The following RBFOX1 variants were observed in gnomAD, a reference collection of about 807,000 sequenced individuals.
The protein encoded by RBFOX1 is RNA binding fox-1 homolog 1.
In RBFOX1, 8 loss-of-function variants were observed where a neutral mutation model predicts 57.7. The observed-to-expected ratio is 0.14, with a 90% confidence interval of 0.08 to 0.25. The LOEUF (loss-of-function observed/expected upper bound fraction) is 0.25, where lower values mean the gene tolerates loss of function less well. Ranked by LOEUF, RBFOX1 falls within the 10% of genes least tolerant of loss-of-function variation. The pLI, the probability that RBFOX1 is intolerant of heterozygous loss-of-function variation, is 1.00. For synonymous variants in RBFOX1, 326 were observed against 222.4 expected (o/e 1.47, Z -4.15); for missense variants, 611 against 548.5 (o/e 1.11, Z -1.14).
At chr16:7,516,214 C>G (rs1239195304) in intron 4 of RBFOX1, among the ~76,000 whole-genome samples, 1 of 152,170 alleles carries the variant, frequency 6.6e-6, no homozygotes, top group Non-Finnish European at 1.5e-5. Flanking sequence ...GGAAAGAGAA[C>G]TTCTTCCCCA....
chr16:6,101,688 G>C (rs2096310743), intron 1 of RBFOX1, among the ~76,000 whole-genome samples: 1 of 152,112 alleles, frequency 6.6e-6, no homozygotes, highest in Admixed American at 6.5e-5. Flanking sequence ...TTGGGAAGCT[G>C]AGGTGGGTGG....
chr16:7,530,101 G>A (rs1435499549), intron 5 of RBFOX1, among the ~76,000 whole-genome samples: 1 of 151,906 alleles, frequency 6.6e-6, no homozygotes, highest in Non-Finnish European at 1.5e-5. Context: ...ATGCTTCAGT[G>A]TGACAGTGCA....
At chr16:7,454,020 G>C (rs1412195260) in intron 4 of RBFOX1, among the ~76,000 whole-genome samples, 1 of 152,184 alleles carries the variant, frequency 6.6e-6, no homozygotes, top group Non-Finnish European at 1.5e-5. Flanking sequence ...ATTGCCTGAG[G>C]TCAGGAGTTC....
rs1204921684 is a variant in RBFOX1, at chr16:7,682,210, T to C, written c.995+5372T>C. Among the ~76,000 whole-genome samples, 8 of 152,282 alleles carry C rather than the reference T, an allele frequency of 5.3e-5. No homozygotes were observed. The South Asian group carries it at 1.4e-3, about 28-fold the overall frequency. On this transcript the variant is annotated intron_variant, in intron 14 of 15. Transcript: ENST00000550418. ...ATGTTCTTCCTTGGCAAAGTAAACA[T>C]TGGCAACTTTATGCTAGACTCTGTA...
intron 3 of RBFOX1, among the ~76,000 whole-genome samples, chr16:6,734,009 C>T (rs1321246474): frequency 1.3e-5 from 2 of 152,184 alleles, no homozygotes; most frequent in African/African-American, 4.8e-5. Flanking sequence ...GTCCCTGCCA[C>T]ATCATTACAG....
chr16:5,293,727 G>A (rs2063590778), intron 1 of RBFOX1, among the ~76,000 whole-genome samples: 1 of 151,632 alleles, frequency 6.6e-6, no homozygotes, highest in African/African-American at 2.4e-5. Context: ...CAGAAAGCAG[G>A]TGAATGGTTG....
intron 2 of RBFOX1, among the ~76,000 whole-genome samples, chr16:5,484,953 G>A (rs900869361): frequency 4.6e-5 from 7 of 152,108 alleles, no homozygotes; most frequent in African/African-American, 1.2e-4. Flanking sequence ...CAGCTACTTG[G>A]GAGTCTGAAG....
At chr16:6,588,913 T>G (rs766300627) in intron 2 of RBFOX1, among the ~76,000 whole-genome samples, 27 of 152,142 alleles carry the variant, frequency 1.8e-4, no homozygotes, top group Non-Finnish European at 3.2e-4. Context: ...GGTCACTGGG[T>G]AACTGACAAA....
chr16:5,819,524 G>T (rs1467181350), intron 3 of RBFOX1, among the ~76,000 whole-genome samples: 1 of 152,184 alleles, frequency 6.6e-6, no homozygotes. Flanking sequence ...CACTTTGCTT[G>T]CAGGAAGCAG....
chr16:6,838,143 G>A (rs1038214647), intron 3 of RBFOX1, among the ~76,000 whole-genome samples: 1 of 151,990 alleles, frequency 6.6e-6, no homozygotes, highest in African/African-American at 2.4e-5. Context: ...AGCCCCACAT[G>A]CATTAAGTAT....
chr16:6,780,582 A>G (rs1327814367), intron 3 of RBFOX1, among the ~76,000 whole-genome samples: 1 of 139,288 alleles, frequency 7.2e-6, no homozygotes, highest in Admixed American at 7.8e-5. Context: ...TTATATATAT[A>G]TTTATATATA....
At chr16:7,141,566 T>G (rs1270681325) in intron 4 of RBFOX1, among the ~76,000 whole-genome samples, 1 of 152,208 alleles carries the variant, frequency 6.6e-6, no homozygotes, top group Non-Finnish European at 1.5e-5. Context: ...TTTTGGAAGG[T>G]GGGGCCATTT....
chr16:6,223,712 C>G (rs1029174230), intron 1 of RBFOX1, among the ~76,000 whole-genome samples: 1 of 152,112 alleles, frequency 6.6e-6, no homozygotes, highest in African/African-American at 2.4e-5. Context: ...TTAATTAGAT[C>G]CCATTTGTCA....
chr16:7,184,542 A>C (rs2083345398), intron 4 of RBFOX1, among the ~76,000 whole-genome samples: 1 of 152,244 alleles, frequency 6.6e-6, no homozygotes, highest in South Asian at 2.1e-4. Context: ...AAGTGATTGA[A>C]GTATGACATA....
intron 3 of RBFOX1, among the ~76,000 whole-genome samples, chr16:6,799,226 C>A (rs1311748472): frequency 1.3e-5 from 2 of 152,042 alleles, no homozygotes; most frequent in Admixed American, 6.6e-5. Flanking sequence ...CCGTGCACAG[C>A]AATATGGCTG....
intron 1 of RBFOX1, among the ~76,000 whole-genome samples, chr16:6,177,854 T>G (rs1380302199): frequency 1.3e-5 from 2 of 151,148 alleles, no homozygotes; most frequent in African/African-American, 4.9e-5. Flanking sequence ...CCACGGGGAT[T>G]TGAGACCACA....
chr16:7,051,211 T>A (rs1178767206), intron 3 of RBFOX1, among the ~76,000 whole-genome samples: 1 of 152,108 alleles, frequency 6.6e-6, no homozygotes, highest in Non-Finnish European at 1.5e-5. Flanking sequence ...GACAGTGGAG[T>A]CTACCAGCTC....
chr16:7,143,880 C>G (rs1334847657), intron 4 of RBFOX1, among the ~76,000 whole-genome samples: 1 of 152,250 alleles, frequency 6.6e-6, no homozygotes, highest in South Asian at 2.1e-4. Flanking sequence ...GTAAGAGCTA[C>G]TACTATATAG....
At chr16:5,627,891 G>T (rs891851901) in intron 3 of RBFOX1, among the ~76,000 whole-genome samples, 2 of 152,096 alleles carry the variant, frequency 1.3e-5, no homozygotes, top group African/African-American at 4.8e-5. Context: ...TCCACAAGGG[G>T]GGTCCTGGAA....
Sources: allele counts gnomAD v4.1 joint callset (sites outside exome capture counted in the v4.1 genomes callset), GRCh38; gene constraint gnomAD v4.1.1; transcripts MANE v1.5; gene names NCBI Gene and HGNC (gene_info 2026-07-23, HGNC 2026-07-21).